UBAP1: variants seen among roughly 807,000 people sequenced by gnomAD.
UBAP1 encodes the protein ubiquitin-associated protein 1.
UBAP1 carries 5 observed loss-of-function variants against 39.0 expected under a neutral mutation model. The ratio of observed to expected loss-of-function variants is 0.13; its 90% CI spans 0.07 to 0.27. The LOEUF (loss-of-function observed/expected upper bound fraction) is 0.27, where lower values mean the gene tolerates loss of function less well. Ranked by LOEUF, UBAP1 falls within the 10% of genes least tolerant of loss-of-function variation. The probability of loss-of-function intolerance (pLI) is 1.00; values close to 1 mark genes in which losing one functional copy is unlikely to be tolerated. For synonymous variants in UBAP1, 211 were observed against 225.1 expected, an observed-to-expected ratio of 0.94 and a Z score of 0.56; for missense variants, 490 against 608.1, an observed-to-expected ratio of 0.81 and a Z score of 2.04.
intron 1 of UBAP1, among the ~76,000 whole-genome samples, chr9:34,184,861 A>ATCC (rs1830302296): frequency 6.7e-6 from 1 of 149,202 alleles, no homozygotes; most frequent in Non-Finnish European, 1.5e-5. Flanking sequence ...TGACCTCGTG[A>ATCC]TCCTCCCACC....
intron 2 of UBAP1, chr9:34,224,093 G>T: frequency 2.7e-6 from 2 of 731,388 alleles, no homozygotes; most frequent in South Asian, 2.5e-5. Flanking sequence ...AGTGATGCAC[G>T]CAAGAAGCTT....
rs780855108 is a variant in UBAP1, at chr9:34,234,289, A to G, written c.108A>G (p.Leu36=). The change falls in exon 3 of 7, where the codon CTA becomes CTG. Residue 36 remains leucine, a synonymous_variant. Transcript: ENST00000297661. ...DKFKTPAKVG[L]PIGFSLPDCL... Reference sequence around the variant, plus strand: ...TCAAAACACCAGCTAAAGTTGGTCTACCTATTGGCTTCTCCTTGCCTGATT... The same window carrying G: ...TCAAAACACCAGCTAAAGTTGGTCTGCCTATTGGCTTCTCCTTGCCTGATT... 17 of 1,613,066 alleles carry G rather than the reference A, an allele frequency of 1.1e-5. No homozygotes were observed. The highest frequency in any genetic ancestry group is 1.4e-5 in the Non-Finnish European group (17 of 1,179,872).
intron 1 of UBAP1, among the ~76,000 whole-genome samples, chr9:34,187,090 T>C (rs1830446959): frequency 6.6e-6 from 1 of 152,094 alleles, no homozygotes; most frequent in African/African-American, 2.4e-5. Flanking sequence ...GTATTTTTAG[T>C]AGAGACAGGG....
chr9:34,226,131 G>GTGTGTGTGTGTGTGTGTT (rs1587854994), intron 2 of UBAP1, among the ~76,000 whole-genome samples: 1 of 143,688 alleles, frequency 7.0e-6, no homozygotes, highest in East Asian at 2.1e-4. Flanking sequence ...GTGTGTGTGT[G>GTGTGTGTGTGTGTGTGTT]TGTGTGTGTG....
intron 1 of UBAP1, among the ~76,000 whole-genome samples, chr9:34,200,465 T>C (rs1032854658): frequency 6.6e-6 from 1 of 152,230 alleles, no homozygotes; most frequent in Non-Finnish European, 1.5e-5. Flanking sequence ...GTTAGTGCTA[T>C]TACGGTTTTA....
chr9:34,195,941 T>G (rs1423609797), intron 1 of UBAP1, among the ~76,000 whole-genome samples: 36 of 111,490 alleles, frequency 3.2e-4, no homozygotes, highest in Non-Finnish European at 5.8e-4. Flanking sequence ...TTTTTTTTTT[T>G]TTTTTTTTTT....
chr9:34,233,865 T>TATTTGA (rs71302883), intron 2 of UBAP1, among the ~76,000 whole-genome samples: 30,307 of 151,550 alleles, frequency 0.2, 3,579 homozygotes, highest in Non-Finnish European at 0.27. Flanking sequence ...TGGTACAGAG[T>TATTTGA]ATTTGAGGTG....
chr9:34,248,309 C>T (rs1834282323), intron 4 of UBAP1, among the ~76,000 whole-genome samples: 1 of 152,222 alleles, frequency 6.6e-6, no homozygotes, highest in Non-Finnish European at 1.5e-5. Flanking sequence ...GCTGGGATTA[C>T]AGGCGTGAGC....
intron 2 of UBAP1, among the ~76,000 whole-genome samples, chr9:34,222,708 A>G (rs1832825971): frequency 6.6e-6 from 1 of 151,964 alleles, no homozygotes; most frequent in Non-Finnish European, 1.5e-5. Context: ...GAGAGGTGGG[A>G]GTAGTGCTGA....
At chr9:34,248,218 TAGA>T (rs758226232) in intron 4 of UBAP1, among the ~76,000 whole-genome samples, 3 of 152,176 alleles carry the variant, frequency 2.0e-5, no homozygotes, top group Non-Finnish European at 4.4e-5. Flanking sequence ...GTATTTTTAG[TAGA>T]GATGGGGTTT....
chr9:34,196,216 G>T (rs1412055509), intron 1 of UBAP1, among the ~76,000 whole-genome samples: 1 of 151,778 alleles, frequency 6.6e-6, no homozygotes, highest in African/African-American at 2.4e-5. Context: ...ATGGCTCACT[G>T]CAGCCTCGAC....
chr9:34,205,338 C>T (rs1016381638), intron 1 of UBAP1, among the ~76,000 whole-genome samples: 4 of 152,106 alleles, frequency 2.6e-5, no homozygotes, highest in African/African-American at 9.7e-5. Context: ...GTCATGACTC[C>T]CATTCTGATT....
Position 34,249,968 on chromosome 9 carries a change from G to C in UBAP1, c.1266+7G>C. The C allele has an allele frequency of 6.2e-7, 1 of 1,613,526 alleles. No individual in the cohort carries two copies. The highest frequency in any genetic ancestry group is 1.3e-5 in the African/African-American group (1 of 75,040). ...AGGAGAGAATATTGAGCAGGTGAGCGGTTGGTCAGCCAGGAGGGCAGGCTC... is the reference window on the plus strand; with the variant it reads ...AGGAGAGAATATTGAGCAGGTGAGCCGTTGGTCAGCCAGGAGGGCAGGCTC... On this transcript the variant is annotated splice_region_variant and intron_variant, in intron 5 of 6. Transcript: ENST00000297661.
intron 4 of UBAP1, among the ~76,000 whole-genome samples, chr9:34,246,881 CATA>C (rs775086946): frequency 6.6e-6 from 1 of 152,180 alleles, no homozygotes; most frequent in African/African-American, 2.4e-5. Flanking sequence ...GGAAAGATTT[CATA>C]ATAATTCTCA....
In UBAP1 at chr9:34,237,078, C is replaced by T. The variant is rs541837017; in HGVS notation, c.159+2738C>T. Among the ~76,000 whole-genome samples the T allele has an allele frequency of 6.6e-5, 10 of 152,248 alleles. No homozygotes were observed. In the South Asian group the frequency reaches 1.4e-3, roughly 22 times the overall value. On this transcript the variant is annotated intron_variant, in intron 3 of 6. Coordinates refer to ENST00000297661, the MANE Select transcript of UBAP1 (RefSeq NM_016525.5). ...AGATTGCGTGTAAATGCTATCTCTT[C>T]GAGGGCTTCTTTCTCAGTCCTCCCA...
At chr9:34,189,983 T>G (rs1587790971) in intron 1 of UBAP1, among the ~76,000 whole-genome samples, 1 of 152,276 alleles carries the variant, frequency 6.6e-6, no homozygotes, top group East Asian at 1.9e-4. Context: ...TTCCGAGATA[T>G]TCTAGCCAAA....
chr9:34,187,891 C>A (rs1297525080), intron 1 of UBAP1, among the ~76,000 whole-genome samples: 1 of 150,716 alleles, frequency 6.6e-6, no homozygotes, highest in African/African-American at 2.4e-5. Flanking sequence ...TACCATTAAA[C>A]CCTTATGACT....
intron 1 of UBAP1, among the ~76,000 whole-genome samples, chr9:34,183,568 AC>A (rs752771855): frequency 0.032 from 4,823 of 149,506 alleles, 171 homozygotes; most frequent in East Asian, 0.13. Flanking sequence ...AAAAAAAAAA[AC>A]ATTAAATAAA....
chr9:34,204,868 C>G (rs1333062746), intron 1 of UBAP1, among the ~76,000 whole-genome samples: 1 of 152,068 alleles, frequency 6.6e-6, no homozygotes, highest in African/African-American at 2.4e-5. Flanking sequence ...TATTCAGTTG[C>G]AAGAATTAAA....
Sources: allele counts gnomAD v4.1 joint callset (sites outside exome capture counted in the v4.1 genomes callset), GRCh38; gene constraint gnomAD v4.1.1; transcripts MANE v1.5; gene names NCBI Gene and HGNC (gene_info 2026-07-23, HGNC 2026-07-21).